ALDH16A1: variants seen among roughly 807,000 people sequenced by gnomAD.
ALDH16A1 encodes the protein aldehyde dehydrogenase family 16 member A1.
Under a neutral mutation model 96.1 loss-of-function variants are expected in ALDH16A1, and 88 were observed. That is an observed-to-expected ratio of 0.92 (90% CI 0.77 to 1.09). The LOEUF (loss-of-function observed/expected upper bound fraction) is 1.09. Among genes scored for constraint, ALDH16A1 ranks in the 50% least tolerant of loss-of-function variants. The pLI is 0.00. For missense variants in ALDH16A1, 1,250 were observed against 1,112.6 expected (o/e 1.12, Z -1.76); for synonymous variants, 522 against 496.4 (o/e 1.05, Z -0.69).
At chr19:49,453,579 C>T (rs1343834514) in intron 1 of ALDH16A1, 158 bp downstream of exon 1, 5 of 670,914 alleles carry the variant, frequency 7.5e-6, no homozygotes, top group Admixed American at 5.8e-5. Context: ...CCCTGTAGGA[C>T]GCTCCCTTGA....
In ALDH16A1 at chr19:49,459,312, T is replaced by G. The variant is rs891183290; in HGVS notation, c.320+226T>G. On this transcript the variant is annotated intron_variant, in intron 3 of 16. Transcript: ENST00000293350. The surrounding 1 kb of genome is among the most constrained non-coding windows in gnomAD (Gnocchi z 4.1). ...TCTATTTCCCAGGACATTCTTGGAG[T>G]GCATTGGGGCTCAGTTCACTGGGGC... Among the ~76,000 whole-genome samples, 5 of 152,174 alleles carry G rather than the reference T, an allele frequency of 3.3e-5. No individual in the cohort carries two copies. Among genetic ancestry groups the G allele is most frequent in the African/African-American group, 1.2e-4 (5 of 41,446 alleles).
chr19:49,465,764 T>A lies in ALDH16A1; in HGVS notation c.1595T>A (p.Val532Asp). Reference protein sequence around the residue: ...PSPAPPYGLFVGGRFQAPGAR... With the variant: ...PSPAPPYGLFDGGRFQAPGAR... ...CCAGCACCCCCCTATGGGCTCTTCG[T>A]TGGGGGCCGTTTCCAGGCTCCTGGG... is the stretch of plus-strand genomic sequence containing the variant. Residue 532 changes from valine to aspartate, a missense_variant, in exon 13 of 17, where the codon GTT (valine) becomes GAT (aspartate). Transcript: ENST00000293350. 1 of 1,613,982 alleles carries A rather than the reference T, an allele frequency of 6.2e-7. No individual in the cohort carries two copies. The highest frequency in any genetic ancestry group is 8.5e-7 in the Non-Finnish European group (1 of 1,179,902).
In ALDH16A1 at chr19:49,461,659, G is replaced by C. The variant is rs778203232; in HGVS notation, c.618G>C (p.Ala206=). The change falls in exon 6 of 17, where the codon GCG becomes GCC. Residue 206 remains alanine (A), a synonymous_variant. Transcript: ENST00000293350. ...CCCTCGTGCCCCCGGCCTCCCCGGC[G>C]CCCCTCCTCCTGGCCCAGCTGGCGG... The part of the protein sequence containing the change: ...VVALVPPASP[A]PLLLAQLAGE... 3.1e-6 allele frequency: 5 copies of C among 1,604,972 alleles called. No individual in the cohort carries two copies. Among genetic ancestry groups the C allele is most frequent in the Non-Finnish European group, 4.3e-6 (5 of 1,176,150 alleles).
rs746004178 is a variant in ALDH16A1, at chr19:49,461,955, G to A, written c.831G>A (p.Ser277=). The A allele has an allele frequency of 2.6e-5, 40 of 1,564,020 alleles. No individual in the cohort carries two copies. The East Asian group carries it at 6.2e-4, about 24-fold the overall frequency. Residue 277 remains serine (S), a synonymous_variant, in exon 7 of 17, where the codon TCG becomes TCA. Transcript: ENST00000293350. ...TGGGCCTGGCGCTGGGGACGGAGTC[G>A]CTGCTGCTGCTGACGGACACGGCGG... ...AELGLALGTE[S]LLLLTDTADV...
intron 4 of ALDH16A1, 92 bp from the exon 5 acceptor site, chr19:49,460,727 TTTC>T: frequency 1.3e-4 from 137 of 1,040,960 alleles, no homozygotes; most frequent in Middle Eastern, 5.7e-4. Context: ...TTTTTTTTTT[TTTC>T]CTAATGTAGC....
At chr19:49,462,507 C>A (rs1178302297) in intron 7 of ALDH16A1, 63 bp from the exon 8 acceptor site, 17 of 1,558,726 alleles carry the variant, frequency 1.1e-5, no homozygotes, top group Non-Finnish European at 1.5e-5. Flanking sequence ...TGTCTTCACT[C>A]TTCAGATCAC....
In ALDH16A1 at chr19:49,468,635, T is replaced by G; in HGVS notation, c.2124+69T>G. 1 of 1,556,206 alleles carries G rather than the reference T, an allele frequency of 6.4e-7. No homozygotes were observed. Among genetic ancestry groups the G allele is most frequent in the Non-Finnish European group, 8.7e-7 (1 of 1,153,270 alleles). On this transcript the variant is annotated intron_variant, in intron 15 of 16. Coordinates refer to ENST00000293350, the MANE Select transcript of ALDH16A1 (RefSeq NM_153329.4). The surrounding 1 kb of genome is among the most constrained non-coding windows in gnomAD (Gnocchi z 4.4). Reference sequence around the variant, plus strand: ...GGCAGCAGAAAAAGGCGCCCCAAAGTCGGCAGGAGCTTGTCTCTTACCCCA... The same window carrying G: ...GGCAGCAGAAAAAGGCGCCCCAAAGGCGGCAGGAGCTTGTCTCTTACCCCA...
chr19:49,464,848 G>T (rs529444362), intron 12 of ALDH16A1, 86 bp downstream of exon 12: 1 of 1,583,144 alleles, frequency 6.3e-7, no homozygotes, highest in South Asian at 1.1e-5. Flanking sequence ...GAGGGCTGGC[G>T]CGAGGTCCAT....
At position 49,465,751 on chromosome 19, in the gene ALDH16A1, T is replaced by A. The variant is rs1402057886; in HGVS notation, c.1582T>A (p.Tyr528Asn). 1 of 1,613,688 alleles carries A rather than the reference T, an allele frequency of 6.2e-7. No homozygotes were observed. The highest frequency in any genetic ancestry group is 8.5e-7 in the Non-Finnish European group (1 of 1,179,738). ...ACCCTACTCCAGCCCAGCACCCCCC[T>A]ATGGGCTCTTCGTTGGGGGCCGTTT... The part of the protein sequence containing the change: ...PEIGPSPAPP[Y>N]GLFVGGRFQA... Residue 528 changes from tyrosine to asparagine, a missense_variant, in exon 13 of 17, where the codon TAT becomes AAT. Physicochemically the swap from Tyr to Asn is moderately radical, Grantham distance 143 (BLOSUM62 -2). Transcript: ENST00000293350.
chr19:49,459,013 G>T lies in ALDH16A1; in HGVS notation c.247G>T (p.Val83Leu), dbSNP rs372239394. The change falls in exon 3 of 17, where the codon GTG (valine) becomes TTG (leucine). Residue 83 changes from valine to leucine, a missense_variant. Coordinates refer to ENST00000293350, the MANE Select transcript of ALDH16A1 (RefSeq NM_153329.4). The surrounding 1 kb of genome is among the most constrained non-coding windows in gnomAD (Gnocchi z 4.1). Reference sequence around the variant, plus strand: ...ACAGGCCGAGGATGTGGCTGCAGCCGTGGAGGCAGCCAGGATGGCATTTAA... The same window carrying T: ...ACAGGCCGAGGATGTGGCTGCAGCCTTGGAGGCAGCCAGGATGGCATTTAA... ...QAQAEDVAAA[V>L]EAARMAFKGW... 1 of 1,613,326 alleles carries T rather than the reference G, an allele frequency of 6.2e-7. No homozygotes were observed. The highest frequency in any genetic ancestry group is 1.3e-5 in the African/African-American group (1 of 74,940).
At position 49,464,650 on chromosome 19, in the gene ALDH16A1, C is replaced by T. The variant is rs138995716; in HGVS notation, c.1456C>T (p.Arg486Trp). 55 of 1,614,146 alleles carry T rather than the reference C, an allele frequency of 3.4e-5. No homozygotes were observed. In the African/African-American group the frequency reaches 5.9e-4, roughly 17 times the overall value. Reference sequence around the variant, plus strand: ...CTCACAGGGGCTGTATGAGTATCTGCGGCCCTCAGGGACCCCTGCCCGGCT... The same window carrying T: ...CTCACAGGGGCTGTATGAGTATCTGTGGCCCTCAGGGACCCCTGCCCGGCT... The part of the protein sequence containing the change: ...GGPDGLYEYL[R>W]PSGTPARLSC... The change falls in exon 12 of 17, where the codon CGG becomes TGG. Residue 486 changes from arginine to tryptophan, a missense_variant. By Grantham distance (101) the Arg-to-Trp change is moderately radical (BLOSUM62 -3). Transcript: ENST00000293350.
In ALDH16A1 at chr19:49,453,415, C is replaced by T. The variant is rs2079083523; in HGVS notation, c.84C>T (p.Cys28=). The change falls in exon 1 of 17, where the codon TGC becomes TGT. Residue 28 remains cysteine (C), a synonymous_variant. Coordinates refer to ENST00000293350, the MANE Select transcript of ALDH16A1 (RefSeq NM_153329.4). The stretch of plus-strand genomic sequence containing the variant: ...GACCGGTGCCGGAGAGCCACGCATG[C>T]GCACTGGTGAGAGTCTGCCCGGCCG... ...EYGPVPESHA[C]ALAWLDTQDR... The T allele has an allele frequency of 6.5e-7, 1 of 1,549,562 alleles. No homozygotes were observed.
chr19:49,461,003 CTCTGTGGAAGGAG>C (rs1346168719), intron 5 of ALDH16A1, 104 bp downstream of exon 5: 5 of 1,284,230 alleles, frequency 3.9e-6, no homozygotes, highest in Non-Finnish European at 5.6e-6. Flanking sequence ...GAGGCCTGGA[CTCTGTGGAAGGAG>C]TCTGTGGGAG....
chr19:49,457,699 T>TA (rs1480397889), intron 1 of ALDH16A1, among the ~76,000 whole-genome samples: 9 of 151,746 alleles, frequency 5.9e-5, no homozygotes, highest in Non-Finnish European at 1.2e-4. Context: ...AGCCTCTACC[T>TA]CCTGGGCTCA....
At position 49,460,850 on chromosome 19, in the gene ALDH16A1, A is replaced by G. The variant is rs1159392319; in HGVS notation, c.528A>G (p.Thr176=). 5 of 1,613,142 alleles carry G rather than the reference A, an allele frequency of 3.1e-6. No homozygotes were observed. Among genetic ancestry groups the G allele is most frequent in the South Asian group, 1.1e-5 (1 of 91,058 alleles). Residue 176 remains threonine, a synonymous_variant, in exon 5 of 17, where the codon ACA becomes ACG. Coordinates refer to ENST00000293350, the MANE Select transcript of ALDH16A1 (RefSeq NM_153329.4). ...TAATTGGCCTCATCCTGCCACCCACATTCTCCTTCCTTGAGATGATGTGGA... is the reference window on the plus strand; with the variant it reads ...TAATTGGCCTCATCCTGCCACCCACGTTCTCCTTCCTTGAGATGATGTGGA... The part of the protein sequence containing the change: ...MGVIGLILPP[T]FSFLEMMWRI...
chr19:49,458,874 C>A, intron 2 of ALDH16A1, 86 bp from the exon 3 acceptor site: 1 of 1,528,758 alleles, frequency 6.5e-7, no homozygotes, highest in East Asian at 2.3e-5. Flanking sequence ...CACTCTTGGG[C>A]TGATCCAGGC....
intron 1 of ALDH16A1, among the ~76,000 whole-genome samples, chr19:49,457,830 T>G (rs1369412351): frequency 6.6e-6 from 1 of 151,956 alleles, no homozygotes; most frequent in Non-Finnish European, 1.5e-5. Context: ...AGGCTGGTCT[T>G]GAATGCCTAG....
rs780120841 is a variant in ALDH16A1, at chr19:49,468,400, C to CTGTGCTGCGCCTGCGGGAGCCGCTGGG, written c.1966_1992dup (p.Arg656_Leu664dup). On this transcript the variant is annotated inframe_insertion, in exon 15 of 17. Transcript: ENST00000293350. The surrounding 1 kb of genome is among the most constrained non-coding windows in gnomAD (Gnocchi z 4.4). ...CTGCAGGTAGCCGGGCTGAGAGGCC[C>CTGTGCTGCGCCTGCGGGAGCCGCTGGG]TGTGCTGCGCCTGCGGGAGCCGCTG... 7.1e-5 allele frequency: 113 copies of CTGTGCTGCGCCTGCGGGAGCCGCTGGG among 1,599,718 alleles called. 1 individual carries two copies. Among genetic ancestry groups the CTGTGCTGCGCCTGCGGGAGCCGCTGGG allele is most frequent in the South Asian group, 5.5e-4 (50 of 91,010 alleles).
chr19:49,464,523 G>C lies in ALDH16A1; in HGVS notation c.1437+1G>C. ...GTGTTCCTGGCACGGGGGCCCAGAC[G>C]TGAGTACATCCCCTCCCCGTCACCA... is the stretch of plus-strand genomic sequence containing the variant. On this transcript the variant is annotated splice_donor_variant, in intron 11 of 16. Coordinates refer to ENST00000293350, the MANE Select transcript of ALDH16A1 (RefSeq NM_153329.4). LOFTEE classifies it high-confidence loss of function. The C allele has an allele frequency of 1.9e-6, 3 of 1,613,822 alleles. No individual in the cohort carries two copies. The highest frequency in any genetic ancestry group is 2.5e-6 in the Non-Finnish European group (3 of 1,179,938).
Sources: allele counts gnomAD v4.1 joint callset (sites outside exome capture counted in the v4.1 genomes callset), GRCh38; gene constraint gnomAD v4.1.1; non-coding constraint Gnocchi (gnomAD v3.1); transcripts MANE v1.5; gene names NCBI Gene and HGNC (gene_info 2026-07-23, HGNC 2026-07-21).